CT47B1: variants seen among roughly 807,000 people sequenced by gnomAD.
CT47B1 encodes the protein cancer/testis antigen family 47 member B1.
CT47B1 carries 24 observed loss-of-function variants against 12.8 expected under a neutral mutation model. That is an observed-to-expected ratio of 1.87 (90% CI 1.36 to 2.63). The LOEUF (loss-of-function observed/expected upper bound fraction) is 2.63. Ranked by LOEUF, CT47B1 falls within the 30% of genes most tolerant of loss-of-function variation. The pLI is 0.00. For synonymous variants in CT47B1, 228 were observed against 133.3 expected, an observed-to-expected ratio of 1.71 and a Z score of -4.89; for missense variants, 523 against 271.3, an observed-to-expected ratio of 1.93 and a Z score of -6.52.
chrX:120,875,612 T>A lies in CT47B1; in HGVS notation c.59A>T (p.Gln20Leu). Residue 20 changes from glutamine to leucine, a missense_variant, in exon 1 of 3, where the codon CAG becomes CTG. Coordinates refer to ENST00000371311, the MANE Select transcript of CT47B1 (RefSeq NM_001145718.3). ...TQGDQEAPVS[Q>L]EGAQAEAAGA... ...GGCCGCCTCGGCCTGTGCTCCCTCC[T>A]GGCTTACCGGGGCCTCCTGGTCCCC... The A allele has an allele frequency of 9.2e-7, 1 of 1,087,821 alleles. No individual in the cohort carries two copies. Among genetic ancestry groups the A allele is most frequent in the South Asian group, 2.2e-5 (1 of 46,140 alleles). 89.6% of individuals were successfully genotyped at this position (1,087,821 alleles called of 1,213,427 possible).
intron 1 of CT47B1, among the ~76,000 whole-genome samples, chrX:120,874,410 G>C (rs1164251491): frequency 9.0e-6 from 1 of 111,149 alleles, no homozygotes; most frequent in Non-Finnish European, 1.9e-5. Flanking sequence ...AAGCTCATTG[G>C]TTCCTCACCC....
At chrX:120,874,699 A>G (rs993529531) in intron 1 of CT47B1, among the ~76,000 whole-genome samples, 197 bp downstream of exon 1, 5 of 110,972 alleles carry the variant, frequency 4.5e-5, no homozygotes, top group African/African-American at 9.8e-5. Flanking sequence ...CATAGATGTC[A>G]TTAGAGAATT....
In CT47B1 at chrX:120,875,421, C is replaced by A. The variant is rs1339014696; in HGVS notation, c.250G>T (p.Asp84Tyr). The change falls in exon 1 of 3, where the codon GAC becomes TAC. Residue 84 changes from aspartate (D) to tyrosine (Y), a missense_variant. By Grantham distance (160) the Asp-to-Tyr change is radical (BLOSUM62 -3). Coordinates refer to ENST00000371311, the MANE Select transcript of CT47B1 (RefSeq NM_001145718.3). The stretch of plus-strand genomic sequence containing the variant: ...TCCGTCGCGGGCCCGATATCTGAGT[C>A]CTCCTCGGCGCTCCCGCCCTGGGGG... The part of the protein sequence containing the change: ...AVPQGGSAEE[D>Y]SDIGPATEEE... The A allele has an allele frequency of 1.1e-5, 13 of 1,206,988 alleles. No individual in the cohort carries two copies. The highest frequency in any genetic ancestry group is 1.7e-5 in the African/African-American group (1 of 57,408).
rs1471937163 is a variant in CT47B1, at chrX:120,873,834, T to C, written c.*31+31A>G. The C allele has an allele frequency of 8.8e-6, 8 of 906,038 alleles. 2 individuals are homozygous for C. The highest frequency in any genetic ancestry group is 1.0e-5 in the Non-Finnish European group (7 of 686,925). 74.7% of individuals were successfully genotyped at this position (906,038 alleles called of 1,213,427 possible). A position where few individuals can be genotyped will look rare whatever the true frequency, so the allele number is the denominator to read the frequency against. Reference sequence around the variant, plus strand: ...TGCAACAGGTAAATGCCAGGAATAGTTGACTGATTCTCAAAGCTATACACA... The same window carrying C: ...TGCAACAGGTAAATGCCAGGAATAGCTGACTGATTCTCAAAGCTATACACA... On this transcript the variant is annotated intron_variant, in intron 2 of 2. Transcript: ENST00000371311.
chrX:120,875,262 G>C lies in CT47B1; in HGVS notation c.409C>G (p.His137Asp). 1 of 1,211,401 alleles carries C rather than the reference G, an allele frequency of 8.3e-7. No individual in the cohort carries two copies. The highest frequency in any genetic ancestry group is 1.1e-6 in the Non-Finnish European group (1 of 894,899). ...TTCGCTATCTGGATGTGGTCGTTGT[G>C]ATAGAGGCGGCGGAGAAGGGAGTGG... ...LVHSLLRRLY[H>D]NDHIQIANRH... is the part of the protein sequence containing the mutation. Residue 137 changes from histidine (H) to aspartate (D), a missense_variant, in exon 1 of 3, where the codon CAC becomes GAC. Physicochemically the swap from His to Asp is moderately conservative, Grantham distance 81. Coordinates refer to ENST00000371311, the MANE Select transcript of CT47B1 (RefSeq NM_001145718.3).
chrX:120,875,334 G>C lies in CT47B1; in HGVS notation c.337C>G (p.Arg113Gly), dbSNP rs756370577. Residue 113 changes from arginine (R) to glycine (G), a missense_variant, in exon 1 of 3, where the codon CGT (arginine) becomes GGT (glycine). Arg to Gly is a moderately radical substitution (Grantham distance 125). Transcript: ENST00000371311. The part of the protein sequence containing the change: ...AANFDLAVAT[R>G]RYPAAGIGFV... ...CCAATGCCCGCCGCCGGGTACCGAC[G>C]GGTGGCCACCGCCAAGTCGAAGTTG... The C allele has an allele frequency of 2.5e-6, 3 of 1,210,841 alleles. No homozygotes were observed. Among genetic ancestry groups the C allele is most frequent in the Admixed American group, 2.2e-5 (1 of 46,124 alleles).
At position 120,875,412 on chromosome X, in the gene CT47B1, T is replaced by C. The variant is rs1923954299; in HGVS notation, c.259A>G (p.Ile87Val). The C allele has an allele frequency of 2.5e-6, 3 of 1,207,351 alleles. No homozygotes were observed. The highest frequency in any genetic ancestry group is 3.4e-6 in the Non-Finnish European group (3 of 893,908). ...TCCTCTTCCTCCGTCGCGGGCCCGATATCTGAGTCCTCCTCGGCGCTCCCG... is the reference window on the plus strand; with the variant it reads ...TCCTCTTCCTCCGTCGCGGGCCCGACATCTGAGTCCTCCTCGGCGCTCCCG... Reference protein sequence around the residue: ...QGGSAEEDSDIGPATEEEEEE... With the variant: ...QGGSAEEDSDVGPATEEEEEE... The change falls in exon 1 of 3, where the codon ATC (isoleucine) becomes GTC (valine). Residue 87 changes from isoleucine to valine, a missense_variant. Ile to Val is a conservative substitution (Grantham distance 29). Transcript: ENST00000371311.
rs777321858 is a variant in CT47B1 at position 120,875,179 on chromosome X, G to C, written c.492C>G (p.Asp164Glu). ...GPHAAVPNLWDNPPLLLLSQR... is the reference protein window; with the variant it reads ...GPHAAVPNLWENPPLLLLSQR... The stretch of plus-strand genomic sequence containing the variant: ...GGGACAGCAGCAGCAGGGGAGGGTT[G>C]TCCCAGAGGTTGGGCACAGCAGCGT... The change falls in exon 1 of 3, where the codon GAC becomes GAG. Residue 164 changes from aspartate (D) to glutamate (E), a missense_variant. Asp to Glu is a conservative substitution (Grantham distance 45, BLOSUM62 2). Transcript: ENST00000371311. The C allele has an allele frequency of 8.1e-5, 98 of 1,210,066 alleles. No homozygotes were observed. Among genetic ancestry groups the C allele is most frequent in the Non-Finnish European group, 1.1e-4 (94 of 894,685 alleles).
chrX:120,875,362 C>G lies in CT47B1; in HGVS notation c.309G>C (p.Ala103=), dbSNP rs200177933. 9.1e-6 allele frequency: 11 copies of G among 1,208,265 alleles called. No homozygotes were observed. In the South Asian group the frequency reaches 1.8e-4, roughly 19 times the overall value. The change falls in exon 1 of 3, where the codon GCG becomes GCC. Residue 103 remains alanine, a synonymous_variant. Transcript: ENST00000371311. ...TGGCCACCGCCAAGTCGAAGTTGGC[C>G]GCCTCGTTCCCCTCTTCCTCCTCCT... is the stretch of plus-strand genomic sequence containing the variant. The part of the protein sequence containing the change: ...EEEEEEEGNE[A]ANFDLAVATR...
At position 120,874,942 on chromosome X, in the gene CT47B1, TTCCTCTGTGGCC is replaced by T. The variant is rs777113876; in HGVS notation, c.717_728del (p.Ala240_Glu243del). On this transcript the variant is annotated inframe_deletion, in exon 1 of 3. Transcript: ENST00000371311. Reference sequence around the variant, plus strand: ...CTGAGGTCGGTTCCTCTGCGGCCGGTTCCTCTGTGGCCTCCTCTGTGAGCTTCTCCTCTGCGG... The same window carrying T: ...CTGAGGTCGGTTCCTCTGCGGCCGGTTCCTCTGTGAGCTTCTCCTCTGCGG... 2.5e-6 allele frequency: 3 copies of T among 1,209,781 alleles called. No individual in the cohort carries two copies. Among genetic ancestry groups the T allele is most frequent in the South Asian group, 3.5e-5 (2 of 56,925 alleles).
chrX:120,875,336 G>C lies in CT47B1; in HGVS notation c.335C>G (p.Thr112Ser), dbSNP rs992033144. 1.7e-6 allele frequency: 2 copies of C among 1,210,867 alleles called. No homozygotes were observed. The highest frequency in any genetic ancestry group is 2.2e-5 in the Admixed American group (1 of 46,116). ...AATGCCCGCCGCCGGGTACCGACGG[G>C]TGGCCACCGCCAAGTCGAAGTTGGC... Reference protein sequence around the residue: ...EAANFDLAVATRRYPAAGIGF... With the variant: ...EAANFDLAVASRRYPAAGIGF... Residue 112 changes from threonine (T) to serine (S), a missense_variant, in exon 1 of 3, where the codon ACC becomes AGC. Thr to Ser is a moderately conservative substitution (Grantham distance 58). Coordinates refer to ENST00000371311, the MANE Select transcript of CT47B1 (RefSeq NM_001145718.3).
chrX:120,875,015 G>C lies in CT47B1; in HGVS notation c.656C>G (p.Ala219Gly), dbSNP rs750373515. ...ADLAEMAREP[A>G]EEAADEKPPE... Reference sequence around the variant, plus strand: ...GGGTTTCTCATCTGCGGCCTCCTCCGCGGGCTCCCTGGCCATCTCGGCCAG... The same window carrying C: ...GGGTTTCTCATCTGCGGCCTCCTCCCCGGGCTCCCTGGCCATCTCGGCCAG... The change falls in exon 1 of 3, where the codon GCG becomes GGG. Residue 219 changes from alanine (A) to glycine (G), a missense_variant. By Grantham distance (60) the Ala-to-Gly change is moderately conservative (BLOSUM62 0). Transcript: ENST00000371311. 10 of 1,208,526 alleles carry C rather than the reference G, an allele frequency of 8.3e-6. No individual in the cohort carries two copies. The African/African-American group carries it at 1.0e-4, about 13-fold the overall frequency.
intron 1 of CT47B1, 26 bp downstream of exon 1, chrX:120,874,870 C>G: frequency 8.3e-7 from 1 of 1,205,838 alleles, no homozygotes; most frequent in Non-Finnish European, 1.1e-6. Context: ...TCCCCGCTTC[C>G]CCGCTGCTGC....
chrX:120,875,692 G>C lies in CT47B1; in HGVS notation c.-22C>G. 1 of 753,064 alleles carries C rather than the reference G, an allele frequency of 1.3e-6. No individual in the cohort carries two copies. Among genetic ancestry groups the C allele is most frequent in the Non-Finnish European group, 1.8e-6 (1 of 553,181 alleles). 62.1% of individuals were successfully genotyped at this position (753,064 alleles called of 1,213,427 possible). ...ACATGACACCAGCAGCGCCTCAACT[G>C]GGGTGGCGAGCGGGCTGAGGCGACC... is the stretch of plus-strand genomic sequence containing the variant. On this transcript the variant is annotated 5_prime_UTR_variant, in exon 1 of 3. Coordinates refer to ENST00000371311, the MANE Select transcript of CT47B1 (RefSeq NM_001145718.3).
At chrX:120,874,423 T>G (rs934401927) in intron 1 of CT47B1, among the ~76,000 whole-genome samples, 11 of 111,339 alleles carry the variant, frequency 9.9e-5, no homozygotes, top group African/African-American at 2.9e-4. Context: ...CCTCACCCCC[T>G]GAATGTTTCA....
At chrX:120,873,497 C>A (rs1294084342) in intron 2 of CT47B1, among the ~76,000 whole-genome samples, 8 of 84,934 alleles carry the variant, frequency 9.4e-5, no homozygotes, top group African/African-American at 3.2e-4. Context: ...GTAATGAAGG[C>A]CCAACTAATG....
rs766452424 is a variant in CT47B1 at position 120,875,067 on chromosome X, C to A, written c.604G>T (p.Val202Phe). 2 of 1,209,362 alleles carry A rather than the reference C, an allele frequency of 1.7e-6. No individual in the cohort carries two copies. Among genetic ancestry groups the A allele is most frequent in the Non-Finnish European group, 2.2e-6 (2 of 894,553 alleles). The change falls in exon 1 of 3, where the codon GTC becomes TTC. Residue 202 changes from valine to phenylalanine, a missense_variant. By Grantham distance (50) the Val-to-Phe change is conservative (BLOSUM62 -1). Transcript: ENST00000371311. ...EAASVQEAASVPEPAVPADLA... is the reference protein window; with the variant it reads ...EAASVQEAASFPEPAVPADLA... ...TCAGCTGGCACTGCAGGCTCTGGGA[C>A]CGACGCGGCCTCCTGGACCGACGCA...
Position 120,875,437 on chromosome X carries a change from G to T in CT47B1, c.234C>A (p.Gly78=). 1.7e-6 allele frequency: 2 copies of T among 1,207,437 alleles called. No homozygotes were observed. The highest frequency in any genetic ancestry group is 3.0e-5 in the East Asian group (1 of 33,710). ...TATCTGAGTCCTCCTCGGCGCTCCCGCCCTGGGGGACTGCGGCCAGGCCTG... is the reference window on the plus strand; with the variant it reads ...TATCTGAGTCCTCCTCGGCGCTCCCTCCCTGGGGGACTGCGGCCAGGCCTG... The part of the protein sequence containing the change: ...QAAGLAAVPQ[G]GSAEEDSDIG... The change falls in exon 1 of 3, where the codon GGC becomes GGA. Residue 78 remains glycine, a synonymous_variant. Transcript: ENST00000371311.
At position 120,875,737 on chromosome X, in the gene CT47B1, C is replaced by T. The variant is rs1487211497; in HGVS notation, c.-67G>A. The T allele has an allele frequency of 2.0e-6, 1 of 495,337 alleles. No individual in the cohort carries two copies. Among genetic ancestry groups the T allele is most frequent in the Non-Finnish European group, 3.1e-6 (1 of 326,856 alleles). 40.8% of individuals were successfully genotyped at this position (495,337 alleles called of 1,213,427 possible). ...GCGACCACGGTGAAGACGGTGACCACTGAGGTGGCTACGGCCGAGGGGAGG... is the reference window on the plus strand; with the variant it reads ...GCGACCACGGTGAAGACGGTGACCATTGAGGTGGCTACGGCCGAGGGGAGG... On this transcript the variant is annotated 5_prime_UTR_variant, in exon 1 of 3. In the 5' UTR this introduces an upstream ATG that the reference lacks. Transcript: ENST00000371311.
Sources: allele counts gnomAD v4.1 joint callset (sites outside exome capture counted in the v4.1 genomes callset), GRCh38; gene constraint gnomAD v4.1.1; transcripts MANE v1.5; gene names NCBI Gene and HGNC (gene_info 2026-07-23, HGNC 2026-07-21).